Variants in HSPA14 observed in about 807,000 individuals in gnomAD.
HSPA14 encodes the protein heat shock 70 kDa protein 14.
In HSPA14, 37 loss-of-function variants were observed where a neutral mutation model predicts 65.5. That is an observed-to-expected ratio of 0.56 (90% CI 0.43 to 0.74). HSPA14 has a LOEUF of 0.74. Among genes scored for constraint, HSPA14 ranks in the 30% least tolerant of loss-of-function variants. The probability of loss-of-function intolerance (pLI) is 0.00; values close to 1 mark genes in which losing one functional copy is unlikely to be tolerated. For missense variants in HSPA14, 564 were observed against 607.6 expected, an observed-to-expected ratio of 0.93 and a Z score of 0.75; for synonymous variants, 203 against 214.2, an observed-to-expected ratio of 0.95 and a Z score of 0.46.
At chr10:14,862,655 A>G (rs11814337) in intron 10 of HSPA14, among the ~76,000 whole-genome samples, 32,936 of 151,466 alleles carry the variant, frequency 0.22, 5,051 homozygotes, top group African/African-American at 0.43. Flanking sequence ...GATTGCAGGC[A>G]TGAGCCACTG....
intron 12 of HSPA14, among the ~76,000 whole-genome samples, chr10:14,868,446 G>C (rs1218576343): frequency 6.6e-6 from 1 of 152,130 alleles, no homozygotes; most frequent in East Asian, 1.9e-4. Flanking sequence ...TTTACAGAGA[G>C]TGAAGTAGAG....
At chr10:14,867,664 T>C in intron 11 of HSPA14, 72 bp from the exon 12 acceptor site, 1 of 1,341,840 alleles carries the variant, frequency 7.5e-7, no homozygotes, top group Non-Finnish European at 1.0e-6. Context: ...TATATCTCAT[T>C]TATAATGGGA....
In HSPA14 at chr10:14,842,281, C is replaced by T. The variant is rs769182946; in HGVS notation, c.221+2124C>T. ...AGCTGCCTAGCCCTCCTTTCCAACC[C>T]ACAATGGCCAGTGCCAATAGCAGTG... On this transcript the variant is annotated intron_variant, in intron 3 of 13. Coordinates refer to ENST00000378372, the MANE Select transcript of HSPA14 (RefSeq NM_016299.4). The surrounding 1 kb of genome is among the most constrained non-coding windows in gnomAD (Gnocchi z 5.2). The T allele has an allele frequency of 2.3e-4, 351 of 1,534,852 alleles. 1 individual carries two copies. Among genetic ancestry groups the T allele is most frequent in the Middle Eastern group, 1.7e-4 (1 of 6,008 alleles).
intron 12 of HSPA14, among the ~76,000 whole-genome samples, chr10:14,869,901 C>T (rs780090121): frequency 8.5e-5 from 13 of 152,170 alleles, no homozygotes; most frequent in Non-Finnish European, 1.5e-4. Context: ...GGAGCGTTAG[C>T]CACGTAATAC....
chr10:14,838,473 G>A lies in HSPA14; in HGVS notation c.57+14G>A. 1.3e-6 allele frequency: 2 copies of A among 1,598,372 alleles called. No individual in the cohort carries two copies. The highest frequency in any genetic ancestry group is 1.7e-6 in the Non-Finnish European group (2 of 1,174,760). ...GCCGTCTATAAGGTGAGGGGCTGCG[G>A]AGCTGGGCTAGGGCTTCATGACGGC... On this transcript the variant is annotated intron_variant, in intron 1 of 13. Transcript: ENST00000378372.
At chr10:14,868,543 T>C (rs924328073) in intron 12 of HSPA14, among the ~76,000 whole-genome samples, 3 of 152,118 alleles carry the variant, frequency 2.0e-5, no homozygotes, top group African/African-American at 7.2e-5. Flanking sequence ...CAGAACAGTA[T>C]TTGTATTACA....
Position 14,842,873 on chromosome 10 carries a change from G to A in HSPA14, c.221+2716G>A. On this transcript the variant is annotated intron_variant, in intron 3 of 13. Coordinates refer to ENST00000378372, the MANE Select transcript of HSPA14 (RefSeq NM_016299.4). This position sits in a 1 kb window ranked among gnomAD's most constrained non-coding sequence, Gnocchi z 5.2. Reference sequence around the variant, plus strand: ...TAACTCCCAAGCATGTGAAGGAGTTGGGTCCCAGAGTCTTGTGGCTCTAAA... The same window carrying A: ...TAACTCCCAAGCATGTGAAGGAGTTAGGTCCCAGAGTCTTGTGGCTCTAAA... The A allele has an allele frequency of 1.4e-6, 2 of 1,429,002 alleles. No individual in the cohort carries two copies. The highest frequency in any genetic ancestry group is 1.9e-6 in the Non-Finnish European group (2 of 1,064,866). 88.5% of individuals were successfully genotyped at this position (1,429,002 alleles called of 1,614,324 possible). A position where few individuals can be genotyped will look rare whatever the true frequency, so the allele number is the denominator to read the frequency against.
intron 9 of HSPA14, among the ~76,000 whole-genome samples, chr10:14,854,612 T>C (rs1232284973): frequency 5.3e-5 from 8 of 152,236 alleles, no homozygotes; most frequent in Non-Finnish European, 1.2e-4. Flanking sequence ...ATAATAATGA[T>C]ACGGCCTATT....
intron 10 of HSPA14, among the ~76,000 whole-genome samples, chr10:14,863,016 T>C (rs1832769805): frequency 6.6e-6 from 1 of 152,154 alleles, no homozygotes; most frequent in African/African-American, 2.4e-5. Context: ...TAATATGAAG[T>C]GGGTGTTGTA....
intron 7 of HSPA14, among the ~76,000 whole-genome samples, chr10:14,851,868 C>T (rs571113640): frequency 9.2e-5 from 14 of 152,142 alleles, no homozygotes; most frequent in Non-Finnish European, 1.6e-4. Context: ...TTATTCGTAT[C>T]TCCTAGTTAA....
At position 14,839,996 on chromosome 10, in the gene HSPA14, C is replaced by T; in HGVS notation, c.138+11C>T. ...TCAGAAAATGAAGAGGTACTAGTCC[C>T]CCCATTTTTGTACTTCTGAAATAAT... On this transcript the variant is annotated intron_variant, in intron 2 of 13. Coordinates refer to ENST00000378372, the MANE Select transcript of HSPA14 (RefSeq NM_016299.4). The T allele has an allele frequency of 6.3e-7, 1 of 1,594,030 alleles. No homozygotes were observed. The highest frequency in any genetic ancestry group is 1.7e-5 in the Admixed American group (1 of 59,404).
chr10:14,861,304 G>A (rs1832748532), intron 10 of HSPA14, among the ~76,000 whole-genome samples: 1 of 152,108 alleles, frequency 6.6e-6, no homozygotes, highest in Non-Finnish European at 1.5e-5. Context: ...TTTTGTTTGA[G>A]ACTCTGTCCA....
rs141805203 is a variant in HSPA14, at chr10:14,842,144, G to C, written c.221+1987G>C. On this transcript the variant is annotated intron_variant, in intron 3 of 13. Transcript: ENST00000378372. This position sits in a 1 kb window ranked among gnomAD's most constrained non-coding sequence, Gnocchi z 5.2. ...CCTGTGGCCTTCCAGCCAGAAATGC[G>C]GTCCTTGGACCTGGCTTCTCAGCAA... 6.5e-7 allele frequency: 1 copy of C among 1,534,000 alleles called. No individual in the cohort carries two copies. The highest frequency in any genetic ancestry group is 8.7e-7 in the Non-Finnish European group (1 of 1,146,336).
In HSPA14 at chr10:14,838,367, C is replaced by G; in HGVS notation, c.-36C>G. The G allele has an allele frequency of 6.3e-7, 1 of 1,576,256 alleles. No homozygotes were observed. The highest frequency in any genetic ancestry group is 8.6e-7 in the Non-Finnish European group (1 of 1,163,244). On this transcript the variant is annotated 5_prime_UTR_variant, in exon 1 of 14. Coordinates refer to ENST00000378372, the MANE Select transcript of HSPA14 (RefSeq NM_016299.4). ...GCCGGTAGCTGTTGCTGTTGGGGGA[C>G]CCCCTCATTCCTGCCGCTGCCGTCC...
At chr10:14,841,038 C>G (rs146617692) in intron 3 of HSPA14, 1 of 152,228 alleles carries the variant, frequency 6.6e-6, no homozygotes, top group African/African-American at 2.4e-5. Flanking sequence ...GTAAAAATGT[C>G]CTGGTGTTGA....
chr10:14,870,460 A>G, intron 12 of HSPA14, 137 bp from the exon 13 acceptor site: 3 of 851,662 alleles, frequency 3.5e-6, no homozygotes, highest in South Asian at 3.6e-5. Context: ...ATTCAGTGGT[A>G]GGAGAATTGA....
At chr10:14,838,482 T>A (rs1247517556) in intron 1 of HSPA14, 23 bp downstream of exon 1, 3 of 1,585,120 alleles carry the variant, frequency 1.9e-6, no homozygotes, top group Non-Finnish European at 2.6e-6. Context: ...GGAGCTGGGC[T>A]AGGGCTTCAT....
chr10:14,870,326 A>G (rs531199112), intron 12 of HSPA14, among the ~76,000 whole-genome samples: 3 of 152,338 alleles, frequency 2.0e-5, no homozygotes, highest in Non-Finnish European at 2.9e-5. Flanking sequence ...ACATCTTAGA[A>G]ACAATGATTT....
chr10:14,870,667 G>T lies in HSPA14; in HGVS notation c.1451G>T (p.Arg484Met). Residue 484 changes from arginine to methionine, a missense_variant and splice_region_variant, in exon 13 of 14, where the codon AGG (arginine) becomes ATG (methionine). Coordinates refer to ENST00000378372, the MANE Select transcript of HSPA14 (RefSeq NM_016299.4). ...RDILAVLTMK[R>M]DGSLHVTCTD... is the part of the protein sequence containing the mutation. ...ATATTAGCTGTTCTTACTATGAAAA[G>T]GTAAAAAATTAAACTTCTGTTGTTA... 3 of 1,557,910 alleles carry T rather than the reference G, an allele frequency of 1.9e-6. No individual in the cohort carries two copies. The highest frequency in any genetic ancestry group is 2.6e-6 in the Non-Finnish European group (3 of 1,146,562).
Sources: gnomAD v4.1 joint callset for allele counts (sites outside exome capture counted in the v4.1 genomes callset) on GRCh38, gnomAD v4.1.1 for gene constraint, Gnocchi (gnomAD v3.1) non-coding constraint, MANE v1.5 for transcripts, NCBI Gene and HGNC (gene_info 2026-07-23, HGNC 2026-07-21) for gene names.